The following KIAA1671 variants were observed in gnomAD, a reference collection of about 807,000 sequenced individuals.
The protein encoded by KIAA1671 is uncharacterized protein KIAA1671.
Under a neutral mutation model 131.2 loss-of-function variants are expected in KIAA1671, and 52 were observed. The observed-to-expected ratio is 0.40, with a 90% confidence interval of 0.32 to 0.50. KIAA1671 has a LOEUF of 0.50. Ranked by LOEUF, KIAA1671 falls within the 20% of genes least tolerant of loss-of-function variation. The probability of loss-of-function intolerance (pLI) is 0.73; values close to 1 mark genes in which losing one functional copy is unlikely to be tolerated. For missense variants in KIAA1671, 2,360 were observed against 2,364.2 expected (o/e 1.00, Z 0.04); for synonymous variants, 1,003 against 961.6 (o/e 1.04, Z -0.80).
Position 25,040,165 on chromosome 22 carries a change from C to T in KIAA1671, c.3035C>T (p.Ser1012Phe). The T allele has an allele frequency of 6.4e-7, 1 of 1,551,722 alleles. No individual in the cohort carries two copies. Among genetic ancestry groups the T allele is most frequent in the Non-Finnish European group, 8.7e-7 (1 of 1,147,002 alleles). ...CCAGGTGCTTCACGGGACCAGACTT[C>T]CCCAGCAGTGAAGCAAGGGTCACCT... Reference protein sequence around the residue: ...VNPGASRDQTSPAVKQGSPVE... With the variant: ...VNPGASRDQTFPAVKQGSPVE... The change falls in exon 5 of 13, where the codon TCC becomes TTC. Residue 1012 changes from serine to phenylalanine, a missense_variant. Ser to Phe is a radical substitution (Grantham distance 155, BLOSUM62 -2). This residue lies in a region of KIAA1671 where 1,161 missense variants were observed against 1,204.7 expected (regional missense o/e 0.96). Transcript: ENST00000358431.
intron 1 of KIAA1671, among the ~76,000 whole-genome samples, chr22:25,019,882 C>G (rs1925568971): frequency 6.6e-6 from 1 of 152,176 alleles, no homozygotes; most frequent in South Asian, 2.1e-4. Flanking sequence ...AATTGGAGGT[C>G]TGCTCTTCCT....
chr22:25,052,148 C>T (rs1272062348), intron 6 of KIAA1671: 2 of 152,862 alleles, frequency 1.3e-5, no homozygotes, highest in African/African-American at 4.8e-5. Flanking sequence ...CCTCTCTCTC[C>T]TGGGCCTGCA....
At position 25,151,465 on chromosome 22, in the gene KIAA1671, T is replaced by C. The variant is rs558143870; in HGVS notation, c.4531-19355T>C. ...TTTTTTTTTTGAGACGGAATCTCAC[T>C]CTGTCACCCAGGCTGGTGGAGTGCA... is the stretch of plus-strand genomic sequence containing the variant. On this transcript the variant is annotated intron_variant, in intron 6 of 12. Coordinates refer to ENST00000358431, the MANE Select transcript of KIAA1671 (RefSeq NM_001145206.2). Among the ~76,000 whole-genome samples, 521 of 132,204 alleles carry C rather than the reference T, an allele frequency of 3.9e-3. 2 individuals carry two copies. Among genetic ancestry groups the C allele is most frequent in the Middle Eastern group, 8.7e-3 (2 of 230 alleles). The allele number at this position is 132,204 out of a possible 152,430, so 86.7% of individuals were successfully genotyped here.
At chr22:25,178,541 G>T (rs1476148595) in intron 9 of KIAA1671, among the ~76,000 whole-genome samples, 2 of 152,262 alleles carry the variant, frequency 1.3e-5, no homozygotes, top group Admixed American at 6.5e-5. Context: ...CCACGGAGGC[G>T]CCTGGGCCAG....
Position 25,190,676 on chromosome 22 carries a change from G to C in KIAA1671, c.5343-26G>C, listed in dbSNP as rs567412913. On this transcript the variant is annotated intron_variant, in intron 11 of 12. Transcript: ENST00000358431. Reference sequence around the variant, plus strand: ...GGAGCCCACAGTCTGGTTTCAACTAGTCTCTTACTGGCTTTGTGGTTTCAG... The same window carrying C: ...GGAGCCCACAGTCTGGTTTCAACTACTCTCTTACTGGCTTTGTGGTTTCAG... 9.7e-6 allele frequency: 15 copies of C among 1,542,926 alleles called. No homozygotes were observed. The Admixed American group carries it at 2.4e-4, about 24-fold the overall frequency.
At chr22:25,164,001 G>A (rs1379661889) in intron 6 of KIAA1671, among the ~76,000 whole-genome samples, 1 of 152,150 alleles carries the variant, frequency 6.6e-6, no homozygotes, top group East Asian at 1.9e-4. Flanking sequence ...GGGGGTACAT[G>A]TTACCCTGTC....
At chr22:25,143,789 A>C (rs559793418) in intron 6 of KIAA1671, among the ~76,000 whole-genome samples, 8 of 152,314 alleles carry the variant, frequency 5.3e-5, no homozygotes, top group African/African-American at 1.9e-4. Context: ...AGACTGGACC[A>C]AGTTGATCCT....
At chr22:24,965,519 T>C (rs532011190) in intron 1 of KIAA1671, among the ~76,000 whole-genome samples, 2 of 148,918 alleles carry the variant, frequency 1.3e-5, no homozygotes, top group African/African-American at 5.0e-5. Context: ...GGCAGACAGA[T>C]CACGAGGTCA....
intron 1 of KIAA1671, among the ~76,000 whole-genome samples, chr22:25,024,920 T>C (rs865925331): frequency 3.2e-4 from 49 of 151,850 alleles, no homozygotes; most frequent in African/African-American, 1.1e-3. Flanking sequence ...TGTGAACAGG[T>C]AGGAGGGGGT....
intron 1 of KIAA1671, among the ~76,000 whole-genome samples, chr22:24,991,080 C>T (rs901372213): frequency 6.6e-6 from 1 of 151,982 alleles, no homozygotes; most frequent in Non-Finnish European, 1.5e-5. Flanking sequence ...AGTGCAGTAG[C>T]TTGATCTCAA....
intron 1 of KIAA1671, among the ~76,000 whole-genome samples, chr22:24,996,766 T>C (rs1569201584): frequency 6.6e-6 from 1 of 151,662 alleles, no homozygotes; most frequent in Non-Finnish European, 1.5e-5. Context: ...CCAGGAGGGG[T>C]GGAGACTGTA....
intron 6 of KIAA1671, among the ~76,000 whole-genome samples, chr22:25,080,323 T>G (rs1929338871): frequency 6.6e-6 from 1 of 152,116 alleles, no homozygotes; most frequent in South Asian, 2.1e-4. Flanking sequence ...GGAGGGGAAT[T>G]GTAAAGGATT....
intron 6 of KIAA1671, among the ~76,000 whole-genome samples, chr22:25,068,347 A>C (rs368021243): frequency 6.6e-6 from 1 of 152,228 alleles, no homozygotes; most frequent in African/African-American, 2.4e-5. Context: ...AGAATCAATG[A>C]AACCACAGGC....
chr22:24,994,686 G>A (rs565799438), intron 1 of KIAA1671, among the ~76,000 whole-genome samples: 53 of 152,254 alleles, frequency 3.5e-4, no homozygotes, highest in African/African-American at 1.2e-3. Flanking sequence ...ACAAAGGAGT[G>A]GCTTCCCTGT....
At chr22:25,099,204 A>G (rs549911891) in intron 6 of KIAA1671, among the ~76,000 whole-genome samples, 1 of 120,812 alleles carries the variant, frequency 8.3e-6, no homozygotes. Flanking sequence ...TTTTGTTCCC[A>G]TGAGTTGGTC....
rs1930218798 is a variant in KIAA1671 at position 25,093,792 on chromosome 22, C to CTCTCTCTT, written c.4530+44435_4530+44436insTTCTCTCT. On this transcript the variant is annotated intron_variant, in intron 6 of 12. Coordinates refer to ENST00000358431, the MANE Select transcript of KIAA1671 (RefSeq NM_001145206.2). ...TGTCTCTCTCTCTCTCTCTCTCTCTCTCTCTCTCTCTCTCTCTCTGTCTCT... is the reference window on the plus strand; with the variant it reads ...TGTCTCTCTCTCTCTCTCTCTCTCTCTCTCTCTTTCTCTCTCTCTCTCTCTCTGTCTCT... Among the ~76,000 whole-genome samples the CTCTCTCTT allele has an allele frequency of 2.0e-4, 20 of 101,196 alleles. 1 individual carries two copies. Among genetic ancestry groups the CTCTCTCTT allele is most frequent in the Non-Finnish European group, 3.5e-4 (16 of 46,110 alleles). 66.4% of individuals were successfully genotyped at this position (101,196 alleles called of 152,430 possible). A position where few individuals can be genotyped will look rare whatever the true frequency, so the allele number is the denominator to read the frequency against.
chr22:25,159,796 C>T (rs1272874408), intron 6 of KIAA1671, among the ~76,000 whole-genome samples: 4 of 152,172 alleles, frequency 2.6e-5, no homozygotes, highest in Non-Finnish European at 5.9e-5. Context: ...GCTAACCTGT[C>T]CCACCTGCAA....
At position 25,029,498 on chromosome 22, in the gene KIAA1671, G is replaced by A. The variant is rs1423777440; in HGVS notation, c.1499G>A (p.Arg500Lys). The change falls in exon 3 of 13, where the codon AGG (arginine) becomes AAG (lysine). Residue 500 changes from arginine (R) to lysine (K), a missense_variant. By Grantham distance (26) the Arg-to-Lys change is conservative. Transcript: ENST00000358431. ...SSEAKPEVRR[R>K]TFQARPLSAD... ...GAGGCTAAGCCCGAGGTCAGGAGGAGGACGTTCCAGGCTCGGCCGCTGTCG... is the reference window on the plus strand; with the variant it reads ...GAGGCTAAGCCCGAGGTCAGGAGGAAGACGTTCCAGGCTCGGCCGCTGTCG... 1 of 1,550,240 alleles carries A rather than the reference G, an allele frequency of 6.5e-7. No homozygotes were observed. Among genetic ancestry groups the A allele is most frequent in the South Asian group, 1.2e-5 (1 of 84,008 alleles).
intron 1 of KIAA1671, among the ~76,000 whole-genome samples, chr22:24,954,622 T>C (rs2087344329): frequency 6.6e-6 from 1 of 152,110 alleles, no homozygotes; most frequent in Non-Finnish European, 1.5e-5. Context: ...CCTCTTGGAG[T>C]TACTTTCCAG....
Sources: gnomAD v4.1 joint callset for allele counts (sites outside exome capture counted in the v4.1 genomes callset) on GRCh38, gnomAD v4.1.1 for gene constraint, gnomAD v4.1.1 regional missense constraint, MANE v1.5 for transcripts, NCBI Gene and HGNC (gene_info 2026-07-23, HGNC 2026-07-21) for gene names.